Variants in CLK3 observed in about 807,000 individuals in gnomAD.
The protein encoded by CLK3 is CDC like kinase 3.
A neutral mutation model predicts 65.2 loss-of-function variants in CLK3; 24 were observed. That is an observed-to-expected ratio of 0.37 (90% CI 0.27 to 0.52). The LOEUF (loss-of-function observed/expected upper bound fraction) is 0.52, where lower values mean the gene tolerates loss of function less well. Ranked by LOEUF, CLK3 falls within the 20% of genes least tolerant of loss-of-function variation. CLK3 has a pLI of 0.92. For synonymous variants in CLK3, 252 were observed against 240.8 expected, an observed-to-expected ratio of 1.05 and a Z score of -0.43; for missense variants, 506 against 660.0, an observed-to-expected ratio of 0.77 and a Z score of 2.56.
intron 1 of CLK3, among the ~76,000 whole-genome samples, chr15:74,609,277 C>T (rs2061954064): frequency 1.3e-5 from 2 of 152,202 alleles, no homozygotes; most frequent in African/African-American, 4.8e-5. Flanking sequence ...TCTGACCACC[C>T]CAGCCCGCAG....
At chr15:74,614,492 T>A (rs766159211), upstream of CLK3, among the ~76,000 whole-genome samples, 134 of 152,344 alleles carry the variant, frequency 8.8e-4, no homozygotes, top group African/African-American at 3.1e-3. Flanking sequence ...ATTTTTGTAA[T>A]TTTTTGGAAG....
chr15:74,619,030 G>C (rs937863731), intron 1 of CLK3, 167 bp from the exon 2 acceptor site: 6 of 720,272 alleles, frequency 8.3e-6, no homozygotes, highest in South Asian at 3.6e-5. Context: ...TCTGCTGTTT[G>C]ACCAGTGTGA....
At chr15:74,620,425 T>C (rs1442080534) in intron 3 of CLK3, 200 bp downstream of exon 3, 14 of 725,356 alleles carry the variant, frequency 1.9e-5, no homozygotes, top group Admixed American at 8.7e-5. Flanking sequence ...TCTGGCTCTT[T>C]CCAGTGGCAA....
chr15:74,615,396 C>G, upstream of CLK3: 1 of 1,235,990 alleles, frequency 8.1e-7, no homozygotes, highest in African/African-American at 1.6e-5. Flanking sequence ...CGTCCGCCTT[C>G]CCGAGCTCCG....
intron 3 of CLK3, 81 bp downstream of exon 3, chr15:74,620,306 G>T (rs527476353): frequency 1.3e-6 from 2 of 1,576,436 alleles, no homozygotes; most frequent in South Asian, 2.3e-5. Flanking sequence ...GCTGGTCCGG[G>T]TGAGTACTGC....
At position 74,628,649 on chromosome 15, in the gene CLK3, G is replaced by C; in HGVS notation, c.1171G>C (p.Gly391Arg). ...CCTGGTGATGATGGAGAAGATCCTAGGGCCCATCCCATCACACATGATCCA... is the reference window on the plus strand; with the variant it reads ...CCTGGTGATGATGGAGAAGATCCTACGGCCCATCCCATCACACATGATCCA... Reference protein sequence around the residue: ...EHLVMMEKILGPIPSHMIHRT... With the variant: ...EHLVMMEKILRPIPSHMIHRT... Residue 391 changes from glycine to arginine, a missense_variant, in exon 11 of 13, where the codon GGG (glycine) becomes CGG (arginine). Coordinates refer to ENST00000395066, the MANE Select transcript of CLK3 (RefSeq NM_001130028.2). 6.2e-7 allele frequency: 1 copy of C among 1,613,648 alleles called. No individual in the cohort carries two copies. Among genetic ancestry groups the C allele is most frequent in the Non-Finnish European group, 8.5e-7 (1 of 1,179,754 alleles).
At chr15:74,615,077 A>G (rs2062040474), upstream of CLK3, 1 of 227,688 alleles carries the variant, frequency 4.4e-6, no homozygotes, top group Non-Finnish European at 8.5e-6. Flanking sequence ...TGGTGACCCC[A>G]CGCTCGAGGC....
chr15:74,623,014 G>A lies in CLK3; in HGVS notation c.533+454G>A, dbSNP rs1411686357. 3.3e-5 allele frequency among the ~76,000 whole-genome samples: 5 copies of A among 152,100 alleles called. No individual in the cohort carries two copies. In the South Asian group the frequency reaches 6.2e-4, roughly 19 times the overall value. On this transcript the variant is annotated intron_variant, in intron 5 of 12. Coordinates refer to ENST00000395066, the MANE Select transcript of CLK3 (RefSeq NM_001130028.2). ...GAGGCTGTGCAGATCTCAGTCGAGA[G>A]AAACATGACCCTGGGCTTTCTCACC...
chr15:74,616,776 C>T (rs2062063897), intron 1 of CLK3, among the ~76,000 whole-genome samples: 2 of 152,236 alleles, frequency 1.3e-5, no homozygotes. Context: ...TCCGGGAGGG[C>T]AGCCGCTGAC....
rs1010615222 is a variant in CLK3, at chr15:74,621,831, T to G, written c.370-289T>G. ...AGAGGCAGGTCATCTTCCTGAGCGT[T>G]TGTGGCGCTCCTCTTAAAGATAATG... On this transcript the variant is annotated intron_variant, in intron 3 of 12. Transcript: ENST00000395066. This position sits in a 1 kb window ranked among gnomAD's most constrained non-coding sequence, Gnocchi z 4.8. The G allele has an allele frequency of 4.9e-6, 2 of 408,092 alleles. No individual in the cohort carries two copies. The highest frequency in any genetic ancestry group is 4.8e-6 in the Non-Finnish European group (1 of 207,438). 25.3% of individuals were successfully genotyped at this position (408,092 alleles called of 1,614,324 possible). A position where few individuals can be genotyped will look rare whatever the true frequency, so the allele number is the denominator to read the frequency against.
At chr15:74,619,470 C>T (rs2062084769) in intron 2 of CLK3, 122 bp downstream of exon 2, 9 of 1,073,724 alleles carry the variant, frequency 8.4e-6, no homozygotes, top group Non-Finnish European at 2.7e-6. Context: ...CTGCCCTGTC[C>T]TCTTTGGGCT....
At chr15:74,611,321 A>C (rs2061986574), upstream of CLK3, among the ~76,000 whole-genome samples, 1 of 152,246 alleles carries the variant, frequency 6.6e-6, no homozygotes, top group Non-Finnish European at 1.5e-5. Flanking sequence ...CTGGAGCTTC[A>C]GCCTGCTAAG....
At chr15:74,616,920 G>A (rs1271676731) in intron 1 of CLK3, among the ~76,000 whole-genome samples, 1 of 152,204 alleles carries the variant, frequency 6.6e-6, no homozygotes, top group African/African-American at 2.4e-5. Context: ...ATTGTGCAGA[G>A]CAGAGCTTCC....
Position 74,627,789 on chromosome 15 carries a change from AG to A in CLK3, c.1042+125del. 1 of 1,429,260 alleles carries A rather than the reference AG, an allele frequency of 7.0e-7. No homozygotes were observed. The highest frequency in any genetic ancestry group is 1.2e-5 in the South Asian group (1 of 81,040). 88.5% of individuals were successfully genotyped at this position (1,429,260 alleles called of 1,614,324 possible). A position where few individuals can be genotyped will look rare whatever the true frequency, so the allele number is the denominator to read the frequency against. ...AGGGCAGGCAGAGTTTCTCAGACCAAGGGGCCAGTGTCATGAGACACAGGTG... is the reference window on the plus strand; with the variant it reads ...AGGGCAGGCAGAGTTTCTCAGACCAAGGGCCAGTGTCATGAGACACAGGTG... On this transcript the variant is annotated intron_variant, in intron 9 of 12. Transcript: ENST00000395066. The surrounding 1 kb of genome is among the most constrained non-coding windows in gnomAD (Gnocchi z 4.3).
Position 74,622,658 on chromosome 15 carries a change from T to C in CLK3, c.533+98T>C, listed in dbSNP as rs1224641244. 6 of 960,396 alleles carry C rather than the reference T, an allele frequency of 6.2e-6. No individual in the cohort carries two copies. The highest frequency in any genetic ancestry group is 9.3e-6 in the Non-Finnish European group (6 of 648,534). The allele number at this position is 960,396 out of a possible 1,614,324, so 59.5% of individuals were successfully genotyped here. ...GGGTGGCAGCTATCAGAGCTTAACT[T>C]TTTTCTTTTTGAAGGGTGGCATCAA... On this transcript the variant is annotated intron_variant, in intron 5 of 12. Transcript: ENST00000395066. This position sits in a 1 kb window ranked among gnomAD's most constrained non-coding sequence, Gnocchi z 4.6.
At chr15:74,616,167 C>T (rs981052753) in intron 1 of CLK3, among the ~76,000 whole-genome samples, 3 of 152,240 alleles carry the variant, frequency 2.0e-5, no homozygotes, top group Admixed American at 6.5e-5. Flanking sequence ...GGGCTCTGTG[C>T]CTGCCCGCGG....
rs538789832 is a variant in CLK3 at position 74,624,830 on chromosome 15, G to C, written c.534-72G>C. The C allele has an allele frequency of 1.8e-6, 2 of 1,102,686 alleles. No individual in the cohort carries two copies. Among genetic ancestry groups the C allele is most frequent in the East Asian group, 2.5e-5 (1 of 40,252 alleles). The allele number at this position is 1,102,686 out of a possible 1,614,324, so 68.3% of individuals were successfully genotyped here. On this transcript the variant is annotated intron_variant, in intron 5 of 12. Transcript: ENST00000395066. This position sits in a 1 kb window ranked among gnomAD's most constrained non-coding sequence, Gnocchi z 4.2. Reference sequence around the variant, plus strand: ...GAGTGGTGTTTGTTGGGAGTTGCTGGGTTGGGGTGGAGGGTTGGGGAAGGA... The same window carrying C: ...GAGTGGTGTTTGTTGGGAGTTGCTGCGTTGGGGTGGAGGGTTGGGGAAGGA...
At chr15:74,619,054 C>T in intron 1 of CLK3, 143 bp from the exon 2 acceptor site, 2 of 850,938 alleles carry the variant, frequency 2.4e-6, no homozygotes, top group Non-Finnish European at 3.7e-6. Flanking sequence ...CAGAGTTCTT[C>T]TTCACTTCAT....
intron 6 of CLK3, 145 bp from the exon 7 acceptor site, chr15:74,625,657 C>T: frequency 1.3e-6 from 1 of 786,668 alleles, no homozygotes; most frequent in Non-Finnish European, 2.0e-6. Context: ...TGCTCTTGCT[C>T]TGATTTCTCT....
Sources: gnomAD v4.1 joint callset for allele counts (sites outside exome capture counted in the v4.1 genomes callset) on GRCh38, gnomAD v4.1.1 for gene constraint, Gnocchi (gnomAD v3.1) non-coding constraint, MANE v1.5 for transcripts, NCBI Gene and HGNC (gene_info 2026-07-23, HGNC 2026-07-21) for gene names.